DOK7: variants seen among roughly 807,000 people sequenced by gnomAD.
DOK7 encodes docking protein 7, also known as protein Dok-7.
In DOK7, 32 loss-of-function variants were observed where a neutral mutation model predicts 30.7. The observed-to-expected ratio is 1.04, with a 90% CI of 0.79 to 1.40. The LOEUF is 1.40. DOK7 is among the 40% of genes most tolerant of loss of function. DOK7 has a pLI of 0.00. For synonymous variants in DOK7, 447 were observed against 324.1 expected (o/e 1.38, Z -4.07); for missense variants, 1,007 against 699.2 (o/e 1.44, Z -4.97).
rs773220689 is a variant in DOK7, at chr4:3,493,488, A to AC, written c.1508dup (p.Pro504SerfsTer15). The AC allele has an allele frequency of 1.4e-4, 227 of 1,610,424 alleles. No individual in the cohort carries two copies. The highest frequency in any genetic ancestry group is 4.5e-5 in the East Asian group (2 of 44,806). The stretch of plus-strand genomic sequence containing the variant: ...CCAGTCTGTGGAGGACTCAAGGTAA[A>AC]CCCCCCTCCTTGAGAGCCGCAGATC... On this transcript the variant is annotated frameshift_variant, in exon 7 of 7. Transcript: ENST00000340083. LOFTEE classifies it high-confidence loss of function.
At chr4:3,500,463 G>A (rs1033206680) in intron 7 of DOK7, 5 of 1,522,310 alleles carry the variant, frequency 3.3e-6, no homozygotes, top group South Asian at 1.2e-5. Flanking sequence ...CAGCCTCAGG[G>A]CCCTGAGCCC....
downstream of DOK7, among the ~76,000 whole-genome samples, chr4:3,496,225 T>A (rs541997509): frequency 3.3e-5 from 5 of 152,298 alleles, no homozygotes; most frequent in African/African-American, 1.2e-4. Flanking sequence ...GGGCACCCCG[T>A]TAGGCACGGC....
rs561308994 is a variant in DOK7, at chr4:3,493,517, C to T, written c.*16C>T. 2 of 1,608,958 alleles carry T rather than the reference C, an allele frequency of 1.2e-6. No homozygotes were observed. Among genetic ancestry groups the T allele is most frequent in the South Asian group, 1.1e-5 (1 of 90,456 alleles). On this transcript the variant is annotated 3_prime_UTR_variant, in exon 7 of 7. Transcript: ENST00000340083. ...CCCTCCTTGAGAGCCGCAGATCCCG[C>T]CCCGCGGCTGCAAAGGGGCTGAATT...
At chr4:3,491,107 TCTCCCC>T (rs1005484709) in intron 6 of DOK7, among the ~76,000 whole-genome samples, 1 of 105,678 alleles carries the variant, frequency 9.5e-6, no homozygotes, top group African/African-American at 3.7e-5. Flanking sequence ...ATTCCTTCCC[TCTCCCC>T]CTGCTCGTTC....
At position 3,471,541 on chromosome 4, in the gene DOK7, A is replaced by G. The variant is rs1048084972; in HGVS notation, c.101-1865A>G. On this transcript the variant is annotated intron_variant, in intron 2 of 6. Transcript: ENST00000340083. ...CACACTTCAACTGCAGACGGTGGAG[A>G]CTGCGGGCTGTCCTCCGGCTCAAGC... 2.0e-5 allele frequency among the ~76,000 whole-genome samples: 3 copies of G among 152,322 alleles called. 1 individual carries two copies. The highest frequency in any genetic ancestry group is 2.0e-4 in the Admixed American group (3 of 15,294).
At position 3,493,972 on chromosome 4, in the gene DOK7, ACCTGGGCTCCACCAGCCCAGCCCC is replaced by A. The variant is rs1408423691; in HGVS notation, c.*482_*505del. 3.0e-5 allele frequency: 30 copies of A among 991,350 alleles called. No homozygotes were observed. Among genetic ancestry groups the A allele is most frequent in the African/African-American group, 5.3e-5 (3 of 56,338 alleles). The allele number at this position is 991,350 out of a possible 1,614,324, so 61.4% of individuals were successfully genotyped here. The stretch of plus-strand genomic sequence containing the variant: ...TCAAGCTACCACAGAGGCTCCGGCC[ACCTGGGCTCCACCAGCCCAGCCCC>A]CCTGGGCTCCGTGTGCGCTGGGCCT... On this transcript the variant is annotated 3_prime_UTR_variant, in exon 7 of 7. Coordinates refer to ENST00000340083, the MANE Select transcript of DOK7 (RefSeq NM_173660.5).
At chr4:3,491,299 A>G (rs1393648090) in intron 6 of DOK7, among the ~76,000 whole-genome samples, 262 of 37,952 alleles carry the variant, frequency 6.9e-3, no homozygotes, top group African/African-American at 0.023. Flanking sequence ...CCCCCCGCTC[A>G]TTCATTCCTG....
At chr4:3,482,461 G>C (rs1727491584) in intron 4 of DOK7, among the ~76,000 whole-genome samples, 1 of 152,248 alleles carries the variant, frequency 6.6e-6, no homozygotes, top group Non-Finnish European at 1.5e-5. Flanking sequence ...GGTTCCAAGA[G>C]AGCAGAAGCT....
intron 2 of DOK7, among the ~76,000 whole-genome samples, chr4:3,466,047 C>T (rs1357394488): frequency 6.6e-6 from 1 of 152,192 alleles, no homozygotes; most frequent in Non-Finnish European, 1.5e-5. Flanking sequence ...GGGGCTTCAT[C>T]CAGCTCAGAA....
Position 3,493,295 on chromosome 4 carries a change from C to G in DOK7, c.1309C>G (p.Gln437Glu). ...GNSAARDSGG[Q>E]TSAGCPSGWL... ...CAGTGCGGCCAGGGACTCAGGCGGC[C>G]AGACGTCCGCCGGGTGTCCCTCTGG... The change falls in exon 7 of 7, where the codon CAG becomes GAG. Residue 437 changes from glutamine (Q) to glutamate (E), a missense_variant. By Grantham distance (29) the Gln-to-Glu change is conservative. Coordinates refer to ENST00000340083, the MANE Select transcript of DOK7 (RefSeq NM_173660.5). 6.2e-7 allele frequency: 1 copy of G among 1,607,842 alleles called. No individual in the cohort carries two copies. Among genetic ancestry groups the G allele is most frequent in the Non-Finnish European group, 8.5e-7 (1 of 1,177,704 alleles).
chr4:3,489,646 C>T, intron 5 of DOK7, 31 bp from the exon 6 acceptor site: 9 of 1,559,606 alleles, frequency 5.8e-6, no homozygotes, highest in Non-Finnish European at 7.8e-6. Context: ...GTGGTGGCCA[C>T]CTCCTCCACC....
At chr4:3,501,020 G>A in exon 8 of DOK7, 1 of 852,436 alleles carries the variant, frequency 1.2e-6, no homozygotes, top group East Asian at 2.8e-5. Flanking sequence ...CTGCCTCACA[G>A]GTGTCCGGGG....
rs576860576 is a variant in DOK7, at chr4:3,479,376, T to C, written c.532+2834T>C. 2.6e-5 allele frequency among the ~76,000 whole-genome samples: 4 copies of C among 152,332 alleles called. No homozygotes were observed. The East Asian group carries it at 7.7e-4, about 29-fold the overall frequency. ...GGCCCTGGTATGTGAACACATTTTGTGGGCCACCATTTGGCCGACAACTGG... is the reference window on the plus strand; with the variant it reads ...GGCCCTGGTATGTGAACACATTTTGCGGGCCACCATTTGGCCGACAACTGG... On this transcript the variant is annotated intron_variant, in intron 4 of 6. Coordinates refer to ENST00000340083, the MANE Select transcript of DOK7 (RefSeq NM_173660.5).
intron 3 of DOK7, among the ~76,000 whole-genome samples, chr4:3,475,564 G>C (rs1727008090): frequency 6.6e-6 from 1 of 152,212 alleles, no homozygotes; most frequent in East Asian, 1.9e-4. Flanking sequence ...GGCCTGGGCA[G>C]AGCCAGTGCA....
chr4:3,480,142 G>C (rs1314030139), intron 4 of DOK7, among the ~76,000 whole-genome samples: 1 of 152,228 alleles, frequency 6.6e-6, no homozygotes, highest in East Asian at 1.9e-4. Context: ...GGAGGCGCAG[G>C]GGGACGTTTG....
At chr4:3,465,227 T>G (rs1726200808) in intron 2 of DOK7, among the ~76,000 whole-genome samples, 1 of 152,172 alleles carries the variant, frequency 6.6e-6, no homozygotes, top group African/African-American at 2.4e-5. Context: ...AGCGGAGTTC[T>G]CACGCCCACC....
chr4:3,467,899 C>T (rs56266074), intron 2 of DOK7, among the ~76,000 whole-genome samples: 1,609 of 152,158 alleles, frequency 0.011, 12 homozygotes, highest in Non-Finnish European at 0.017. Flanking sequence ...GGGGAGGAAG[C>T]GCCCTGGGGC....
chr4:3,467,451 C>CG (rs910848863), intron 2 of DOK7, among the ~76,000 whole-genome samples: 7 of 120,384 alleles, frequency 5.8e-5, no homozygotes, highest in Non-Finnish European at 1.3e-4. Context: ...CAGGGAAGAC[C>CG]CCCCCCCCCC....
At chr4:3,490,068 C>CCATTCCTTTCTTCTCCCCCTCATT (rs1728117728) in intron 6 of DOK7, among the ~76,000 whole-genome samples, 2 of 67,542 alleles carry the variant, frequency 3.0e-5, no homozygotes, top group Non-Finnish European at 2.8e-5. Flanking sequence ...CTTCCTCCCC[C>CCATTCCTTTCTTCTCCCCCTCATT]CATTCCTTTC....
Sources: allele counts gnomAD v4.1 joint callset (sites outside exome capture counted in the v4.1 genomes callset), GRCh38; gene constraint gnomAD v4.1.1; transcripts MANE v1.5; gene names NCBI Gene and HGNC (gene_info 2026-07-23, HGNC 2026-07-21).